The following AKT3 variants were observed in gnomAD, a reference collection of about 807,000 sequenced individuals.
The protein encoded by AKT3 is RAC-gamma serine/threonine-protein kinase.
Under a neutral mutation model 65.3 loss-of-function variants are expected in AKT3, and 15 were observed. The observed-to-expected ratio is 0.23, with a 90% CI of 0.15 to 0.35. The LOEUF (loss-of-function observed/expected upper bound fraction) is 0.35, where lower values mean the gene tolerates loss of function less well. AKT3 is among the 10% of genes least tolerant of loss of function. AKT3 has a pLI of 1.00. For synonymous variants in AKT3, 206 were observed against 183.8 expected, an observed-to-expected ratio of 1.12 and a Z score of -0.98; for missense variants, 243 against 576.5, an observed-to-expected ratio of 0.42 and a Z score of 5.92.
chr1:243,652,771 C>CA (rs371580711), intron 4 of AKT3, among the ~76,000 whole-genome samples: 3,899 of 31,270 alleles, frequency 0.12, 526 homozygotes, highest in East Asian at 0.25. Flanking sequence ...AAATAGAAAG[C>CA]AAAAAAAAAA....
At chr1:243,711,842 A>G (rs1686177744) in intron 2 of AKT3, among the ~76,000 whole-genome samples, 1 of 152,230 alleles carries the variant, frequency 6.6e-6, no homozygotes, top group Non-Finnish European at 1.5e-5. Flanking sequence ...TTGTAACTTC[A>G]AAGACATTCT....
At chr1:243,561,769 C>T (rs1349969864) in intron 10 of AKT3, among the ~76,000 whole-genome samples, 1 of 152,148 alleles carries the variant, frequency 6.6e-6, no homozygotes, top group Non-Finnish European at 1.5e-5. Flanking sequence ...TTCCCTTTTA[C>T]CTTTGCAACA....
At chr1:243,524,375 T>C (rs1417799694) in intron 12 of AKT3, among the ~76,000 whole-genome samples, 2 of 152,222 alleles carry the variant, frequency 1.3e-5, no homozygotes, top group African/African-American at 2.4e-5. Flanking sequence ...CAGCCTCTGC[T>C]GACTCCTGAA....
chr1:243,708,965 A>C (rs1027053203), intron 2 of AKT3, among the ~76,000 whole-genome samples: 1 of 152,036 alleles, frequency 6.6e-6, no homozygotes, highest in Non-Finnish European at 1.5e-5. Context: ...TGATTCTTAC[A>C]CTAAGAATCT....
intron 13 of AKT3, among the ~76,000 whole-genome samples, chr1:243,508,822 C>T (rs905186960): frequency 7.9e-5 from 12 of 152,050 alleles, no homozygotes; most frequent in African/African-American, 2.2e-4. Flanking sequence ...TGCACCACCA[C>T]GTCTGGCTAA....
rs530661729 is a variant in AKT3, at chr1:243,659,451, T to G, written c.284+5321A>C. Among the ~76,000 whole-genome samples the G allele has an allele frequency of 2.9e-5, 4 of 139,892 alleles. No individual in the cohort carries two copies. In the East Asian group the frequency reaches 8.1e-4, roughly 28 times the overall value. The allele number at this position is 139,892 out of a possible 152,430, so 91.8% of individuals were successfully genotyped here. ...AATTTTTTAAAAGAATGCACTAATG[T>G]AGCTAAGAACATTTTTGTTAAAAAA... On this transcript the variant is annotated intron_variant, in intron 4 of 13. Transcript: ENST00000673466.
At chr1:243,775,171 ATTAT>A (rs1336252607) in intron 2 of AKT3, among the ~76,000 whole-genome samples, 8 of 151,558 alleles carry the variant, frequency 5.3e-5, no homozygotes, top group African/African-American at 1.9e-4. Flanking sequence ...CCTTGTTCCT[ATTAT>A]TTGTTTGTTT....
At chr1:243,493,310 G>A (rs1667037638) in intron 13 of AKT3, among the ~76,000 whole-genome samples, 1 of 152,130 alleles carries the variant, frequency 6.6e-6, no homozygotes, top group African/African-American at 2.4e-5. Flanking sequence ...CAGGGTCAGG[G>A]GTCTGCGGCC....
Position 243,642,077 on chromosome 1 carries a change from T to C in AKT3, c.429+3816A>G, listed in dbSNP as rs144295088. ...ATCTTTAAAAAAAAGGGAATTTACATGGAAATTACTATTAGTTAAAAAGCA... is the reference window on the plus strand; with the variant it reads ...ATCTTTAAAAAAAAGGGAATTTACACGGAAATTACTATTAGTTAAAAAGCA... On this transcript the variant is annotated intron_variant, in intron 5 of 13. Coordinates refer to ENST00000673466, the MANE Select transcript of AKT3 (RefSeq NM_005465.7). Among the ~76,000 whole-genome samples the C allele has an allele frequency of 7.2e-3, 1,094 of 152,310 alleles. 14 individuals carry two copies. The highest frequency in any genetic ancestry group is 0.025 in the African/African-American group (1,037 of 41,566).
chr1:243,603,096 G>A (rs886771357), intron 8 of AKT3, among the ~76,000 whole-genome samples: 16 of 152,118 alleles, frequency 1.1e-4, no homozygotes, highest in Non-Finnish European at 2.2e-4. Context: ...AACATTTAAG[G>A]AATAAAAAGA....
At chr1:243,697,916 G>T (rs1265071801) in intron 2 of AKT3, among the ~76,000 whole-genome samples, 1 of 151,180 alleles carries the variant, frequency 6.6e-6, no homozygotes, top group Non-Finnish European at 1.5e-5. Context: ...ATAAATAGAG[G>T]ATACGTAGAT....
intron 8 of AKT3, among the ~76,000 whole-genome samples, chr1:243,597,970 T>C (rs943396364): frequency 3.9e-5 from 6 of 152,142 alleles, no homozygotes; most frequent in Admixed American, 6.5e-5. Context: ...ACTTTTGCAA[T>C]AGAAAAAAAT....
intron 2 of AKT3, among the ~76,000 whole-genome samples, chr1:243,696,823 C>T (rs1405988730): frequency 6.6e-6 from 1 of 152,062 alleles, no homozygotes; most frequent in Non-Finnish European, 1.5e-5. Flanking sequence ...ACATTCCCCA[C>T]TTCCATCCTA....
At chr1:243,531,779 T>A (rs959469688) in intron 12 of AKT3, among the ~76,000 whole-genome samples, 1 of 152,200 alleles carries the variant, frequency 6.6e-6, no homozygotes, top group African/African-American at 2.4e-5. Context: ...TATGTCTTCT[T>A]TTATTTCTTT....
intron 13 of AKT3, among the ~76,000 whole-genome samples, chr1:243,507,979 G>A (rs921590529): frequency 1.3e-5 from 2 of 152,170 alleles, no homozygotes; most frequent in Admixed American, 1.3e-4. Flanking sequence ...CTGCTGATTT[G>A]TTCTAAACAA....
chr1:243,845,549 G>C (rs1695478273), intron 1 of AKT3, among the ~76,000 whole-genome samples: 1 of 121,550 alleles, frequency 8.2e-6, no homozygotes, highest in Non-Finnish European at 1.7e-5. Context: ...GCTATGCTGA[G>C]TGGTGACCGT....
chr1:243,634,994 ATACTC>A (rs1460199732), intron 6 of AKT3, among the ~76,000 whole-genome samples: 3 of 151,934 alleles, frequency 2.0e-5, no homozygotes, highest in African/African-American at 7.2e-5. Flanking sequence ...TATACACAAA[ATACTC>A]TACCTAACAA....
At chr1:243,513,750 G>T (rs770729203) in intron 12 of AKT3, among the ~76,000 whole-genome samples, 1 of 152,130 alleles carries the variant, frequency 6.6e-6, no homozygotes, top group Non-Finnish European at 1.5e-5. Flanking sequence ...CCAACTCTAC[G>T]TTCCACTGAT....
chr1:243,614,893 A>G (rs1348736186), intron 7 of AKT3, among the ~76,000 whole-genome samples: 1 of 152,180 alleles, frequency 6.6e-6, no homozygotes, highest in Non-Finnish European at 1.5e-5. Context: ...AAAGTAATAA[A>G]TGCATAATGG....
Sources: allele counts gnomAD v4.1 joint callset (sites outside exome capture counted in the v4.1 genomes callset), GRCh38; gene constraint gnomAD v4.1.1; transcripts MANE v1.5; gene names NCBI Gene and HGNC (gene_info 2026-07-23, HGNC 2026-07-21).